Variants in FADS2 observed in about 807,000 individuals in gnomAD.
FADS2 encodes acyl-CoA 6-desaturase.
Under a neutral mutation model 61.2 loss-of-function variants are expected in FADS2, and 18 were observed. That is an observed-to-expected ratio of 0.29 (90% CI 0.20 to 0.44). The LOEUF (loss-of-function observed/expected upper bound fraction) is 0.44, where lower values mean the gene tolerates loss of function less well. Among genes scored for constraint, FADS2 ranks in the 20% least tolerant of loss-of-function variants. The pLI is 1.00. For missense variants in FADS2, 322 were observed against 572.7 expected (o/e 0.56, Z 4.47); for synonymous variants, 203 against 223.9 (o/e 0.91, Z 0.83).
At chr11:61,827,706 GCAAACCCC>G (rs1343510071), upstream of FADS2, 9 of 152,304 alleles carry the variant, frequency 5.9e-5, no homozygotes, top group African/African-American at 1.7e-4. The surrounding 1 kb of genome is among the most constrained non-coding windows in gnomAD (Gnocchi z 4.5). Context: ...GGCATCAGGT[GCAAACCCC>G]CAGAGCGCCG....
chr11:61,862,087 A>G (rs1208602930), intron 7 of FADS2: 3 of 152,476 alleles, frequency 2.0e-5, no homozygotes, highest in Non-Finnish European at 4.4e-5. Context: ...GCGCCCTGGC[A>G]GTGGGAACAG....
rs199900021 is a variant in FADS2 at position 61,848,204 on chromosome 11, G to A, written c.664G>A (p.Ala222Thr). The A allele has an allele frequency of 6.2e-7, 1 of 1,614,162 alleles. No individual in the cohort carries two copies. The highest frequency in any genetic ancestry group is 1.7e-5 in the Admixed American group (1 of 60,016). The change falls in exon 5 of 12, where the codon GCC (alanine) becomes ACC (threonine). Residue 222 changes from alanine (A) to threonine (T), a missense_variant. By Grantham distance (58) the Ala-to-Thr change is moderately conservative (BLOSUM62 0). Transcript: ENST00000278840. ...GAATCATCGCCACTTCCAGCACCAC[G>A]CCAAGCCTAACATCTTCCACAAGGA... Reference protein sequence around the residue: ...WWNHRHFQHHAKPNIFHKDPD... With the variant: ...WWNHRHFQHHTKPNIFHKDPD...
At chr11:61,843,784 G>A (rs1446391094) in intron 4 of FADS2, among the ~76,000 whole-genome samples, 2 of 151,962 alleles carry the variant, frequency 1.3e-5, no homozygotes, top group African/African-American at 2.4e-5. Flanking sequence ...TCAGCCTCCC[G>A]AGTAGCTGGG....
At chr11:61,835,449 A>C (rs1163464336) in intron 1 of FADS2, among the ~76,000 whole-genome samples, 2 of 149,606 alleles carry the variant, frequency 1.3e-5, no homozygotes, top group African/African-American at 4.9e-5. Flanking sequence ...GCTGGAATGC[A>C]GTGGCACGAT....
At chr11:61,842,477 G>T (rs1408067384) in intron 4 of FADS2, among the ~76,000 whole-genome samples, 1 of 152,232 alleles carries the variant, frequency 6.6e-6, no homozygotes, top group African/African-American at 2.4e-5. Flanking sequence ...CCAGATTCTG[G>T]GCAGGGGCCG....
In FADS2 at chr11:61,865,750, G is replaced by A. The variant is rs1488074619; in HGVS notation, c.*61G>A. ...CAGGTGGGGTGATGGCCAGAGGAAT[G>A]ATGGGCTTTTGTTCTGAGGGGTGTC... is the stretch of plus-strand genomic sequence containing the variant. On this transcript the variant is annotated 3_prime_UTR_variant, in exon 12 of 12. Coordinates refer to ENST00000278840, the MANE Select transcript of FADS2 (RefSeq NM_004265.4). This position sits in a 1 kb window ranked among gnomAD's most constrained non-coding sequence, Gnocchi z 4.1. 3 of 1,453,318 alleles carry A rather than the reference G, an allele frequency of 2.1e-6. No individual in the cohort carries two copies. Among genetic ancestry groups the A allele is most frequent in the East Asian group, 4.7e-5 (2 of 42,178 alleles). The allele number at this position is 1,453,318 out of a possible 1,614,324, so 90.0% of individuals were successfully genotyped here. A position where few individuals can be genotyped will look rare whatever the true frequency, so the allele number is the denominator to read the frequency against.
chr11:61,821,596 G>A (rs1391306609), intron 1 of FADS2: 1 of 574,956 alleles, frequency 1.7e-6, no homozygotes, highest in Non-Finnish European at 3.1e-6. Context: ...CTCTGCTGCA[G>A]CCTCCCCTCA....
At chr11:61,857,400 C>T in intron 6 of FADS2, 54 bp from the exon 7 acceptor site, 3 of 1,538,514 alleles carry the variant, frequency 1.9e-6, no homozygotes, top group East Asian at 2.2e-5. Context: ...CCCTGACCTT[C>T]CGGCACAGGC....
At chr11:61,831,748 G>A (rs374932713) in intron 1 of FADS2, among the ~76,000 whole-genome samples, 1 of 152,182 alleles carries the variant, frequency 6.6e-6, no homozygotes, top group South Asian at 2.1e-4. Context: ...TTAAGTGGCA[G>A]TGCTCAGACT....
At chr11:61,837,749 T>C (rs2135959649) in intron 1 of FADS2, 29 bp from the exon 2 acceptor site, 1 of 1,498,852 alleles carries the variant, frequency 6.7e-7, no homozygotes, top group Non-Finnish European at 9.2e-7. Context: ...GTTCAGGTCT[T>C]AGCCTCATCA....
intron 1 of FADS2, among the ~76,000 whole-genome samples, chr11:61,818,349 G>A (rs2067004690): frequency 6.6e-6 from 1 of 152,146 alleles, no homozygotes; most frequent in African/African-American, 2.4e-5. Flanking sequence ...CAGGAATGAT[G>A]GTCCACACAG....
upstream of FADS2, among the ~76,000 whole-genome samples, chr11:61,824,447 G>GA (rs1565325218): frequency 1.9e-4 from 1 of 5,290 alleles, no homozygotes; most frequent in Non-Finnish European, 3.8e-4. Flanking sequence ...AGGGAGGGAG[G>GA]GAGGGAGGGA....
intron 1 of FADS2, chr11:61,821,287 A>C: frequency 1.6e-6 from 1 of 641,858 alleles, no homozygotes; most frequent in South Asian, 1.8e-5. Context: ...TGGGAGGCTG[A>C]GGTGGGAGGA....
chr11:61,864,938 A>G (rs1381450722), intron 10 of FADS2, among the ~76,000 whole-genome samples: 1 of 152,176 alleles, frequency 6.6e-6, no homozygotes, highest in East Asian at 1.9e-4. Context: ...TCCATAGAGC[A>G]CAAACGCCCT....
rs979158998 is a variant in FADS2, at chr11:61,865,438, T to C, written c.1283+161T>C. 6 of 1,014,728 alleles carry C rather than the reference T, an allele frequency of 5.9e-6. No individual in the cohort carries two copies. Among genetic ancestry groups the C allele is most frequent in the Admixed American group, 5.0e-5 (2 of 40,292 alleles). The allele number at this position is 1,014,728 out of a possible 1,614,324, so 62.9% of individuals were successfully genotyped here. On this transcript the variant is annotated intron_variant, in intron 11 of 11. Transcript: ENST00000278840. The surrounding 1 kb of genome is among the most constrained non-coding windows in gnomAD (Gnocchi z 4.1). ...AGCTGTTGGGCTTTTCTCCCTGGGC[T>C]GCGAGAAGACCATCCCTTTCTGTGT... is the stretch of plus-strand genomic sequence containing the variant.
chr11:61,857,346 C>T (rs903522209), intron 6 of FADS2, 108 bp from the exon 7 acceptor site: 33 of 1,045,426 alleles, frequency 3.2e-5, no homozygotes, highest in East Asian at 1.7e-4. Context: ...CTTCTGCCCA[C>T]GTCTGCAGGG....
chr11:61,852,463 G>T (rs1297800169), intron 5 of FADS2, among the ~76,000 whole-genome samples: 1 of 152,084 alleles, frequency 6.6e-6, no homozygotes, highest in Non-Finnish European at 1.5e-5. Flanking sequence ...GTTTCACCAT[G>T]TTGGCCAGGC....
Position 61,821,557 on chromosome 11 carries a change from T to G in FADS2, c.141+5131T>G, listed in dbSNP as rs2067036626. ...GGATCCTTTACAAAGTCAACACATA[T>G]AGGAGAAGCAATACCGGTTGTGCTC... On this transcript the variant is annotated intron_variant, in intron 1 of 11. Coordinates refer to the FADS2 transcript ENST00000257261. 72 of 634,682 alleles carry G rather than the reference T, an allele frequency of 1.1e-4. 1 individual carries two copies. In the South Asian group the frequency reaches 1.3e-3, roughly 11 times the overall value. 39.3% of individuals were successfully genotyped at this position (634,682 alleles called of 1,614,324 possible). A position where few individuals can be genotyped will look rare whatever the true frequency, so the allele number is the denominator to read the frequency against.
chr11:61,823,136 CCAATACTATGAGCA>C (rs1004415926), intron 1 of FADS2, among the ~76,000 whole-genome samples: 6 of 152,222 alleles, frequency 3.9e-5, no homozygotes, highest in Non-Finnish European at 5.9e-5. Flanking sequence ...TACCTCTCCA[CCAATACTATGAGCA>C]CTAAAGATGC....
Sources: gnomAD v4.1 joint callset for allele counts (sites outside exome capture counted in the v4.1 genomes callset) on GRCh38, gnomAD v4.1.1 for gene constraint, Gnocchi (gnomAD v3.1) non-coding constraint, MANE v1.5 for transcripts, NCBI Gene and HGNC (gene_info 2026-07-23, HGNC 2026-07-21) for gene names.